MGST2: variants seen among roughly 807,000 people sequenced by gnomAD.
MGST2 encodes the protein microsomal glutathione S-transferase 2, also known as glutathione peroxidase MGST2.
In MGST2, 9 loss-of-function variants were observed where a neutral mutation model predicts 16.6. The observed-to-expected ratio is 0.54, with a 90% CI of 0.33 to 0.95. The LOEUF (loss-of-function observed/expected upper bound fraction) is 0.95. Among genes scored for constraint, MGST2 ranks in the 40% least tolerant of loss-of-function variants. The pLI is 0.03. For missense variants in MGST2, 159 were observed against 175.1 expected (o/e 0.91, Z 0.52); for synonymous variants, 79 against 68.0 (o/e 1.16, Z -0.79).
chr4:139,720,132 C>T, intron 5 of MGST2: 1 of 1,614,056 alleles, frequency 6.2e-7, no homozygotes, highest in Non-Finnish European at 8.5e-7. Context: ...TTGTACATTC[C>T]TGGTTGGCTG....
At chr4:139,739,712 G>T (rs1579380042) in intron 5 of MGST2, among the ~76,000 whole-genome samples, 3 of 85,160 alleles carry the variant, frequency 3.5e-5, no homozygotes, top group East Asian at 3.0e-4. Flanking sequence ...GTCCTCAGGT[G>T]TTAAAACTAA....
intron 5 of MGST2, chr4:139,719,047 C>T: frequency 4.8e-6 from 2 of 414,566 alleles, no homozygotes; most frequent in Non-Finnish European, 8.6e-6. Flanking sequence ...GGGGCTCTGG[C>T]CGGCTTCATC....
chr4:139,726,767 TTTC>T (rs1472730727), intron 5 of MGST2, among the ~76,000 whole-genome samples: 1 of 152,250 alleles, frequency 6.6e-6, no homozygotes, highest in Non-Finnish European at 1.5e-5. Flanking sequence ...CATATTAGTC[TTTC>T]TTCTTCCACT....
intron 3 of MGST2, among the ~76,000 whole-genome samples, chr4:139,702,843 G>GTTTTTTTTTTTTTTT (rs1727325108): frequency 1.1e-4 from 3 of 27,600 alleles, no homozygotes; most frequent in Non-Finnish European, 3.8e-4. Context: ...TTGTGTTACT[G>GTTTTTTTTTTTTTTT]GTTTTTTTTT....
intron 3 of MGST2, among the ~76,000 whole-genome samples, chr4:139,699,489 C>T (rs1386958241): frequency 6.6e-6 from 1 of 151,832 alleles, no homozygotes; most frequent in Admixed American, 6.6e-5. Context: ...TGTGACAGAC[C>T]TTTTTCCTAA....
At chr4:139,714,916 C>T (rs1426940071) in intron 5 of MGST2, among the ~76,000 whole-genome samples, 1 of 152,160 alleles carries the variant, frequency 6.6e-6, no homozygotes, top group African/African-American at 2.4e-5. Flanking sequence ...GTCCCAGGAT[C>T]CTGTACATTC....
At chr4:139,676,162 T>C (rs1025522866) in intron 1 of MGST2, among the ~76,000 whole-genome samples, 4 of 152,216 alleles carry the variant, frequency 2.6e-5, no homozygotes, top group Admixed American at 2.0e-4. Flanking sequence ...TCAGTAGTAC[T>C]CTTTTTTAAA....
At position 139,670,456 on chromosome 4, in the gene MGST2, A is replaced by G. The variant is rs535955945; in HGVS notation, c.58+4379A>G. The stretch of plus-strand genomic sequence containing the variant: ...GGAATTATAGGCAAAGACATAAATC[A>G]ATACATGGAAGGTATCTATTGGTTC... On this transcript the variant is annotated intron_variant, in intron 1 of 4. Transcript: ENST00000265498. Among the ~76,000 whole-genome samples, 7 of 152,310 alleles carry G rather than the reference A, an allele frequency of 4.6e-5. No individual in the cohort carries two copies. In the East Asian group the frequency reaches 1.4e-3, roughly 29 times the overall value.
At chr4:139,676,499 C>T (rs8192052) in intron 1 of MGST2, among the ~76,000 whole-genome samples, 1 of 152,182 alleles carries the variant, frequency 6.6e-6, no homozygotes, top group Non-Finnish European at 1.5e-5. Context: ...TGAAGGCAGT[C>T]TGGAGGCAGA....
rs758402476 is a variant in MGST2 at position 139,678,627 on chromosome 4, G to C, written c.143G>C (p.Arg48Thr). ...PAVTGSPEFE[R>T]VFRAQQNCVE... ...GTCACTGGGTCACCAGAGTTTGAGA[G>C]AGTATTTCGGGCACAGTAAGTAATG... The change falls in exon 2 of 5, where the codon AGA becomes ACA. Residue 48 changes from arginine (R) to threonine (T), a missense_variant. Transcript: ENST00000265498. The C allele has an allele frequency of 7.4e-6, 12 of 1,613,396 alleles. No individual in the cohort carries two copies. The Admixed American group carries it at 1.5e-4, about 20-fold the overall frequency.
chr4:139,736,656 G>T (rs914397801), intron 5 of MGST2, among the ~76,000 whole-genome samples: 5 of 152,122 alleles, frequency 3.3e-5, no homozygotes, highest in Non-Finnish European at 5.9e-5. Flanking sequence ...AAAAATTAGG[G>T]GTTCTCAAAG....
At chr4:139,698,159 A>G in intron 3 of MGST2, 7 of 1,552,938 alleles carry the variant, frequency 4.5e-6, no homozygotes, top group Non-Finnish European at 1.8e-6. Context: ...CACGTTCTCC[A>G]CGTATGCTGT....
At chr4:139,730,375 T>C (rs1455496942) in intron 5 of MGST2, 1 of 1,531,018 alleles carries the variant, frequency 6.5e-7, no homozygotes, top group Non-Finnish European at 8.8e-7. Flanking sequence ...GAATAAGTGC[T>C]TGCTGAATGA....
chr4:139,685,728 A>G (rs8192085), intron 2 of MGST2, among the ~76,000 whole-genome samples: 2,006 of 152,338 alleles, frequency 0.013, 43 homozygotes, highest in African/African-American at 0.045. Flanking sequence ...CAATGGCGCA[A>G]TCTTGGCTCA....
chr4:139,741,090 T>G (rs1444521979), downstream of MGST2, among the ~76,000 whole-genome samples: 1 of 152,094 alleles, frequency 6.6e-6, no homozygotes, highest in Non-Finnish European at 1.5e-5. Flanking sequence ...CGGCCCCCAT[T>G]CCTATGAGTA....
chr4:139,699,838 C>A (rs1007903040), intron 3 of MGST2, among the ~76,000 whole-genome samples: 2 of 152,062 alleles, frequency 1.3e-5, no homozygotes, highest in Admixed American at 6.5e-5. Flanking sequence ...CAGAAATTCA[C>A]GACCAGCCTG....
chr4:139,749,616 C>T, the MGST2 span, among the ~76,000 whole-genome samples: 1 of 152,196 alleles, frequency 6.6e-6, no homozygotes, highest in Non-Finnish European at 1.5e-5. Flanking sequence ...CGTGAAAGGA[C>T]TTGACATGGA....
rs759868035 is a variant in MGST2 at position 139,704,006 on chromosome 4, C to T, written c.312-10C>T. 6.2e-7 allele frequency: 1 copy of T among 1,613,926 alleles called. No homozygotes were observed. Among genetic ancestry groups the T allele is most frequent in the Non-Finnish European group, 8.5e-7 (1 of 1,180,020 alleles). ...GTTTGTCACTTTTCTCCCTCATGTC[C>T]ACTCTGCAGGATCACCGGTTTCCGA... is the stretch of plus-strand genomic sequence containing the variant. On this transcript the variant is annotated splice_polypyrimidine_tract_variant and intron_variant, in intron 4 of 4. Transcript: ENST00000265498.
rs573353026 is a variant in MGST2 at position 139,671,585 on chromosome 4, G to A, written c.58+5508G>A. 2.6e-4 allele frequency among the ~76,000 whole-genome samples: 39 copies of A among 152,036 alleles called. 1 individual carries two copies. The highest frequency in any genetic ancestry group is 9.2e-4 in the African/African-American group (38 of 41,462). ...AAGGTCAAGCAATTCTCCTGCCTCAGCCTCCCGAGTAGCTGGGACTACAGG... is the reference window on the plus strand; with the variant it reads ...AAGGTCAAGCAATTCTCCTGCCTCAACCTCCCGAGTAGCTGGGACTACAGG... On this transcript the variant is annotated intron_variant, in intron 1 of 4. Coordinates refer to ENST00000265498, the MANE Select transcript of MGST2 (RefSeq NM_002413.5).
Sources: gnomAD v4.1 joint callset for allele counts (sites outside exome capture counted in the v4.1 genomes callset) on GRCh38, gnomAD v4.1.1 for gene constraint, MANE v1.5 for transcripts, NCBI Gene and HGNC (gene_info 2026-07-23, HGNC 2026-07-21) for gene names.